Variants in C19orf38 observed in about 807,000 individuals in gnomAD.
The protein encoded by C19orf38 is protein HIDE1.
C19orf38 carries 14 observed loss-of-function variants against 26.6 expected under a neutral mutation model. The ratio of observed to expected loss-of-function variants is 0.53; its 90% CI spans 0.35 to 0.82. The LOEUF (loss-of-function observed/expected upper bound fraction) is 0.82. C19orf38 is among the 40% of genes least tolerant of loss of function. The probability of loss-of-function intolerance (pLI) is 0.01; values close to 1 mark genes in which losing one functional copy is unlikely to be tolerated. For missense variants in C19orf38, 261 were observed against 299.5 expected, an observed-to-expected ratio of 0.87 and a Z score of 0.95; for synonymous variants, 132 against 128.5, an observed-to-expected ratio of 1.03 and a Z score of -0.18.
At position 10,842,182 on chromosome 19, in the gene C19orf38, A is replaced by G. The variant is rs910169764; in HGVS notation, c.-69+5412A>G. The stretch of plus-strand genomic sequence containing the variant: ...CCATCTGAAATGTTCATTCCGGCAA[A>G]TGTGGTTCTGAAATGGTATGAAAAC... On this transcript the variant is annotated intron_variant, in intron 1 of 7. Coordinates refer to the C19orf38 transcript ENST00000592854. 4.5e-6 allele frequency: 7 copies of G among 1,559,096 alleles called. No individual in the cohort carries two copies. In the Admixed American group the frequency reaches 5.0e-5, roughly 11 times the overall value.
Position 10,842,249 on chromosome 19 carries a change from A to G in C19orf38, c.-69+5479A>G. On this transcript the variant is annotated intron_variant, in intron 1 of 7. Coordinates refer to the C19orf38 transcript ENST00000592854. ...CACAGAACCATCTCTTGGAAAACAT[A>G]ATTTGAATAAAATACTTTTTTTTTT... The G allele has an allele frequency of 1.5e-5, 18 of 1,192,608 alleles. 1 individual carries two copies. The South Asian group carries it at 2.2e-4, about 15-fold the overall frequency. The allele number at this position is 1,192,608 out of a possible 1,614,324, so 73.9% of individuals were successfully genotyped here.
chr19:10,848,399 A>G (rs372642744), upstream of C19orf38: 7 of 1,224,812 alleles, frequency 5.7e-6, no homozygotes, highest in South Asian at 6.5e-5. Flanking sequence ...TCTCAGCTCG[A>G]GAATCAGCCC....
At chr19:10,863,255 C>G in intron 6 of C19orf38, 48 bp downstream of exon 6, 1 of 1,534,756 alleles carries the variant, frequency 6.5e-7, no homozygotes, top group Non-Finnish European at 8.8e-7. Flanking sequence ...ACCGTCCTAC[C>G]GGGAGAACGG....
chr19:10,864,579 A>G (rs924868621), intron 6 of C19orf38, among the ~76,000 whole-genome samples: 5 of 152,128 alleles, frequency 3.3e-5, no homozygotes, highest in Admixed American at 2.0e-4. Context: ...TCAGGTGCAC[A>G]CAGGCGCCCT....
chr19:10,856,316 T>A lies in C19orf38; in HGVS notation c.392T>A (p.Leu131His). 2 of 1,551,384 alleles carry A rather than the reference T, an allele frequency of 1.3e-6. No individual in the cohort carries two copies. Among genetic ancestry groups the A allele is most frequent in the Non-Finnish European group, 1.7e-6 (2 of 1,146,728 alleles). The change falls in exon 3 of 7, where the codon CTC becomes CAC. Residue 131 changes from leucine to histidine, a missense_variant. Leu to His is a moderately conservative substitution (Grantham distance 99, BLOSUM62 -3). Coordinates refer to ENST00000397820, the MANE Select transcript of C19orf38 (RefSeq NM_001136482.3). ...LSLSLAGALF[L>H]LAGLVAVALV... ...CTGAGCCTGGCTGGTGCCCTCTTCC[T>A]CCTTGCTGGGCTGGTGGCTGTTGCC...
intron 1 of C19orf38, chr19:10,842,262 T>TA: frequency 1.8e-6 from 2 of 1,137,110 alleles, no homozygotes; most frequent in Non-Finnish European, 2.6e-6. Context: ...TTGAATAAAA[T>TA]ACTTTTTTTT....
chr19:10,869,254 G>A lies in C19orf38; in HGVS notation c.580G>A (p.Asp194Asn). Residue 194 changes from aspartate (D) to asparagine (N), a missense_variant, in exon 7 of 7, where the codon GAT (aspartate) becomes AAT (asparagine). Physicochemically the swap from Asp to Asn is conservative, Grantham distance 23. Transcript: ENST00000397820. ...MPEEDPATLDDHSGTTATPSN... is the reference protein window; with the variant it reads ...MPEEDPATLDNHSGTTATPSN... ...AGAAGAAGACCCGGCCACCTTGGAT[G>A]ATCACTCAGGCACCACTGCCACCCC... is the stretch of plus-strand genomic sequence containing the variant. The A allele has an allele frequency of 6.4e-7, 1 of 1,551,660 alleles. No individual in the cohort carries two copies.
intron 6 of C19orf38, among the ~76,000 whole-genome samples, chr19:10,866,887 C>T (rs2073757195): frequency 6.6e-6 from 1 of 151,944 alleles, no homozygotes; most frequent in Non-Finnish European, 1.5e-5. Flanking sequence ...GTGATCCACC[C>T]ACCTCAACCT....
At chr19:10,863,088 G>C (rs1358907943) in intron 5 of C19orf38, 82 bp from the exon 6 acceptor site, 3 of 1,408,874 alleles carry the variant, frequency 2.1e-6, no homozygotes, top group East Asian at 2.5e-5. Flanking sequence ...CCTGTGGGCT[G>C]GGGGGCAGTG....
In C19orf38 at chr19:10,838,025, C is replaced by G. The variant is rs1434770397; in HGVS notation, c.-69+1255C>G. On this transcript the variant is annotated intron_variant, in intron 1 of 7. Transcript: ENST00000592854. ...CAGGCTGGTTTCAAACTCCTGGGCT[C>G]AAGCCATCTGCCTGCTCCCTCACCC... Among the ~76,000 whole-genome samples the G allele has an allele frequency of 2.6e-5, 4 of 152,202 alleles. No individual in the cohort carries two copies. The East Asian group carries it at 7.7e-4, about 29-fold the overall frequency.
chr19:10,863,456 C>A (rs1568339276), intron 6 of C19orf38, among the ~76,000 whole-genome samples: 1 of 152,100 alleles, frequency 6.6e-6, no homozygotes, highest in Non-Finnish European at 1.5e-5. Flanking sequence ...GCAGGCAGGC[C>A]CCTTGGTGGT....
chr19:10,859,761 T>A (rs566708000), intron 4 of C19orf38, among the ~76,000 whole-genome samples, 154 bp from the exon 5 acceptor site: 1 of 152,168 alleles, frequency 6.6e-6, no homozygotes, highest in South Asian at 2.1e-4. Flanking sequence ...AATCAGGATG[T>A]TACTGCTCTT....
Position 10,863,139 on chromosome 19 carries a change from A to G in C19orf38, c.506-31A>G, listed in dbSNP as rs376726487. On this transcript the variant is annotated intron_variant, in intron 5 of 6. Transcript: ENST00000397820. The stretch of plus-strand genomic sequence containing the variant: ...GCAGGGAAGTTACAACTGGCCCCCA[A>G]TCCTGGGTTTTCTTTCTCTTTCTGT... 34 of 1,549,316 alleles carry G rather than the reference A, an allele frequency of 2.2e-5. No individual in the cohort carries two copies. In the South Asian group the frequency reaches 2.3e-4, roughly 10 times the overall value.
intron 3 of C19orf38, among the ~76,000 whole-genome samples, chr19:10,857,366 A>ATATATATATTTTTTT (rs1433358051): frequency 5.3e-5 from 3 of 56,078 alleles, no homozygotes; most frequent in African/African-American, 1.7e-4. Context: ...ATATATATAT[A>ATATATATATTTTTTT]TTTTTTTTTT....
chr19:10,840,344 A>T (rs554221786), intron 1 of C19orf38, among the ~76,000 whole-genome samples: 26 of 152,098 alleles, frequency 1.7e-4, no homozygotes, highest in African/African-American at 5.5e-4. Flanking sequence ...TTTGTTTTTG[A>T]GACAGTCTCA....
chr19:10,857,934 A>AAAGAAAGAAAGAAAGAAAG (rs1268021373), intron 3 of C19orf38, among the ~76,000 whole-genome samples: 4 of 129,404 alleles, frequency 3.1e-5, no homozygotes, highest in Non-Finnish European at 7.0e-5. Context: ...AAGAAAGAAA[A>AAAGAAAGAAAGAAAGAAAG]ATCTGAGGCC....
chr19:10,845,506 C>A (rs551022394), upstream of C19orf38, among the ~76,000 whole-genome samples: 1 of 151,996 alleles, frequency 6.6e-6, no homozygotes, highest in African/African-American at 2.4e-5. Context: ...AACTTAATGA[C>A]GCTCAATATA....
At chr19:10,848,924 TG>T (rs1252904731) in intron 1 of C19orf38, among the ~76,000 whole-genome samples, 1 of 151,886 alleles carries the variant, frequency 6.6e-6, no homozygotes, top group Non-Finnish European at 1.5e-5. Context: ...AGGGAGGGTT[TG>T]TATAGACCTC....
chr19:10,846,181 C>CA (rs1000446867), upstream of C19orf38, among the ~76,000 whole-genome samples: 36 of 144,838 alleles, frequency 2.5e-4, 1 homozygote, highest in Admixed American at 2.8e-4. Context: ...GACCCTGTCT[C>CA]AAAAAAAAAA....
Sources: allele counts gnomAD v4.1 joint callset (sites outside exome capture counted in the v4.1 genomes callset), GRCh38; gene constraint gnomAD v4.1.1; transcripts MANE v1.5; gene names NCBI Gene and HGNC (gene_info 2026-07-23, HGNC 2026-07-21).